The following SSH2 variants were observed in gnomAD, a reference collection of about 807,000 sequenced individuals.
SSH2 encodes the protein protein phosphatase Slingshot homolog 2.
SSH2 carries 37 observed loss-of-function variants against 135.2 expected under a neutral mutation model. The observed-to-expected ratio is 0.27, with a 90% confidence interval of 0.21 to 0.36. SSH2 has a LOEUF of 0.36. Among genes scored for constraint, SSH2 ranks in the 10% least tolerant of loss-of-function variants. The pLI is 1.00. For synonymous variants in SSH2, 628 were observed against 646.2 expected (o/e 0.97, Z 0.43); for missense variants, 1,408 against 1,765.3 (o/e 0.80, Z 3.63).
chr17:29,908,323 G>A (rs149474155), intron 1 of SSH2, among the ~76,000 whole-genome samples: 1 of 151,906 alleles, frequency 6.6e-6, no homozygotes, highest in East Asian at 2.0e-4. Context: ...AGGTATGGTG[G>A]TACACACCTG....
In SSH2 at chr17:29,646,548, G is replaced by A. The variant is rs531905684; in HGVS notation, c.1427+1596C>T. 4.2e-4 allele frequency among the ~76,000 whole-genome samples: 64 copies of A among 152,148 alleles called. 1 individual carries two copies. Among genetic ancestry groups the A allele is most frequent in the African/African-American group, 1.5e-3 (61 of 41,516 alleles). ...AGAGTCTCACTCTGTCGCCTAGGCC[G>A]GAGTGCAGTGGCGCGATCTCAACTC... is the stretch of plus-strand genomic sequence containing the variant. On this transcript the variant is annotated intron_variant, in intron 14 of 15. Transcript: ENST00000540801.
chr17:29,764,315 T>C (rs1433763871), intron 3 of SSH2, among the ~76,000 whole-genome samples: 1 of 152,172 alleles, frequency 6.6e-6, no homozygotes, highest in Non-Finnish European at 1.5e-5. Flanking sequence ...TTTAAGAAAA[T>C]AGTTCTTTGT....
At chr17:29,923,879 C>G (rs757981755) in intron 1 of SSH2, among the ~76,000 whole-genome samples, 2 of 152,158 alleles carry the variant, frequency 1.3e-5, no homozygotes, top group Non-Finnish European at 2.9e-5. Context: ...ACACTCCAGT[C>G]TGGGCAACAG....
chr17:29,664,057 A>G (rs1459252905), intron 11 of SSH2, among the ~76,000 whole-genome samples: 1 of 152,248 alleles, frequency 6.6e-6, no homozygotes, highest in African/African-American at 2.4e-5. Context: ...TGTATACACA[A>G]AAATATATAT....
chr17:29,683,180 G>A (rs956550662), intron 6 of SSH2, among the ~76,000 whole-genome samples: 2 of 152,140 alleles, frequency 1.3e-5, no homozygotes, highest in Non-Finnish European at 2.9e-5. Flanking sequence ...CCTGAACCAG[G>A]AAGTCAATGC....
At chr17:29,725,279 CGAGGTTGCAGTGAGCCAAGATT>C (rs71138843) in intron 3 of SSH2, among the ~76,000 whole-genome samples, 62,505 of 138,124 alleles carry the variant, frequency 0.45, 13,910 homozygotes, top group Non-Finnish European at 0.49. Context: ...CCCAGGACGC[CGAGGTTGCAGTGAGCCAAGATT>C]GCACCACTGC....
At chr17:29,903,485 T>C (rs1481813783) in intron 1 of SSH2, among the ~76,000 whole-genome samples, 1 of 151,638 alleles carries the variant, frequency 6.6e-6, no homozygotes. Flanking sequence ...ATCATTTCAC[T>C]AACTTATAGA....
At position 29,636,123 on chromosome 17, in the gene SSH2, T is replaced by C. The variant is rs61737983; in HGVS notation, c.2107A>G (p.Met703Val). The C allele has an allele frequency of 0.02, 32,606 of 1,614,138 alleles. 398 individuals are homozygous for C. The highest frequency in any genetic ancestry group is 0.023 in the Non-Finnish European group (27,444 of 1,180,024). Reference protein sequence around the residue: ...TRSRSFSHSRMEELGGGRNES... With the variant: ...TRSRSFSHSRVEELGGGRNES... Reference sequence around the variant, plus strand: ...TTCCTTCCTCCACCCAGTTCCTCCATCCTTGAATGGGAAAAAGATCGTGAC... The same window carrying C: ...TTCCTTCCTCCACCCAGTTCCTCCACCCTTGAATGGGAAAAAGATCGTGAC... The change falls in exon 15 of 16, where the codon ATG becomes GTG. Residue 703 changes from methionine to valine, a missense_variant. By Grantham distance (21) the Met-to-Val change is conservative. Transcript: ENST00000540801.
In SSH2 at chr17:29,913,347, A is replaced by AAAAAAAAAAAAAAATTATATATATATAT; in HGVS notation, c.63+16590_63+16591insATATATATATATAATTTTTTTTTTTTTT. On this transcript the variant is annotated intron_variant, in intron 1 of 15. Coordinates refer to ENST00000540801, the MANE Select transcript of SSH2 (RefSeq NM_001282129.2). ...AAAAAAAAAAAAAAAAAAAAAAAAA[A>AAAAAAAAAAAAAAATTATATATATATAT]ATATATATATATATATATATATATA... Among the ~76,000 whole-genome samples, 11 of 28,786 alleles carry AAAAAAAAAAAAAAATTATATATATATAT rather than the reference A, an allele frequency of 3.8e-4. 5 individuals carry two copies. Among genetic ancestry groups the AAAAAAAAAAAAAAATTATATATATATAT allele is most frequent in the Admixed American group, 1.5e-3 (2 of 1,362 alleles). The allele number at this position is 28,786 out of a possible 152,430, so 18.9% of individuals were successfully genotyped here.
At chr17:29,751,021 A>G (rs2040923097) in intron 3 of SSH2, among the ~76,000 whole-genome samples, 1 of 152,222 alleles carries the variant, frequency 6.6e-6, no homozygotes, top group African/African-American at 2.4e-5. Context: ...AATAACATAT[A>G]TGGAGCTGTC....
intron 3 of SSH2, among the ~76,000 whole-genome samples, chr17:29,736,816 T>C (rs112441373): frequency 3.7e-5 from 2 of 54,602 alleles, no homozygotes; most frequent in African/African-American, 7.0e-5. Flanking sequence ...AAAAAAAAAA[T>C]GGGCCGGGCA....
At chr17:29,853,086 A>ATT (rs35782935) in intron 1 of SSH2, among the ~76,000 whole-genome samples, 52,415 of 134,598 alleles carry the variant, frequency 0.39, 12,506 homozygotes, top group East Asian at 0.68. Flanking sequence ...CACTGCAGAG[A>ATT]TTTTTTTTTT....
intron 1 of SSH2, chr17:29,856,018 A>G (rs1041114276): frequency 2.5e-6 from 1 of 394,600 alleles, no homozygotes; most frequent in Non-Finnish European, 5.0e-6. Context: ...CTGGGCTTCC[A>G]TTACAAGATG....
At chr17:29,864,644 TA>T (rs540074955) in intron 1 of SSH2, among the ~76,000 whole-genome samples, 1,656 of 138,006 alleles carry the variant, frequency 0.012, 31 homozygotes, top group African/African-American at 0.039. Flanking sequence ...GAATACTTAC[TA>T]AAAAAAAAAA....
At chr17:29,900,179 G>C (rs189392463) in intron 1 of SSH2, among the ~76,000 whole-genome samples, 2 of 152,138 alleles carry the variant, frequency 1.3e-5, no homozygotes, top group South Asian at 4.1e-4. Flanking sequence ...CATAAAAACC[G>C]TCAAAGAAAA....
intron 2 of SSH2, among the ~76,000 whole-genome samples, chr17:29,818,962 C>A (rs1034966975): frequency 3.9e-5 from 6 of 152,046 alleles, no homozygotes; most frequent in Admixed American, 2.0e-4. Context: ...TGCAGTGGCT[C>A]ACACCTGTAA....
At chr17:29,635,665 C>T (rs1218609720) in intron 15 of SSH2, among the ~76,000 whole-genome samples, 1 of 152,066 alleles carries the variant, frequency 6.6e-6, no homozygotes, top group Non-Finnish European at 1.5e-5. Context: ...GCCTTGGCCT[C>T]CCAAAGTGCT....
At chr17:29,733,714 T>C (rs2040274511) in intron 3 of SSH2, among the ~76,000 whole-genome samples, 1 of 152,206 alleles carries the variant, frequency 6.6e-6, no homozygotes, top group Non-Finnish European at 1.5e-5. Context: ...GTTGTATAAA[T>C]AGTTCATAGC....
intron 6 of SSH2, among the ~76,000 whole-genome samples, chr17:29,678,522 A>G (rs2037822042): frequency 6.6e-6 from 1 of 152,202 alleles, no homozygotes; most frequent in Admixed American, 6.5e-5. Flanking sequence ...GGCAAAGGGA[A>G]TTAAAAAATG....
Sources: gnomAD v4.1 joint callset for allele counts (sites outside exome capture counted in the v4.1 genomes callset) on GRCh38, gnomAD v4.1.1 for gene constraint, MANE v1.5 for transcripts, NCBI Gene and HGNC (gene_info 2026-07-23, HGNC 2026-07-21) for gene names.